The following ADNP variants were observed in gnomAD, a reference collection of about 807,000 sequenced individuals.
ADNP encodes activity-dependent neuroprotector homeobox protein.
In ADNP, 4 loss-of-function variants were observed where a neutral mutation model predicts 84.9. The observed-to-expected ratio is 0.05, with a 90% CI of 0.02 to 0.11. ADNP has a LOEUF of 0.11. ADNP is among the 10% of genes least tolerant of loss of function. The probability of loss-of-function intolerance (pLI) is 1.00; values close to 1 mark genes in which losing one functional copy is unlikely to be tolerated. For missense variants in ADNP, 1,132 were observed against 1,326.0 expected (o/e 0.85, Z 2.27); for synonymous variants, 554 against 468.1 (o/e 1.18, Z -2.37).
intron 2 of ADNP, among the ~76,000 whole-genome samples, chr20:50,906,205 T>A (rs1982458632): frequency 6.6e-6 from 1 of 152,158 alleles, no homozygotes; most frequent in African/African-American, 2.4e-5. Context: ...CGAGATTCCA[T>A]CTCAAAAACA....
At position 50,889,971 on chromosome 20, in the gene ADNP, C is replaced by CA. The variant is rs1980488113; in HGVS notation, c.*1433dup. 1.0e-5 allele frequency: 4 copies of CA among 391,290 alleles called. No homozygotes were observed. The highest frequency in any genetic ancestry group is 1.8e-5 in the Non-Finnish European group (4 of 224,176). The allele number at this position is 391,290 out of a possible 1,614,324, so 24.2% of individuals were successfully genotyped here. On this transcript the variant is annotated 3_prime_UTR_variant, in exon 6 of 6. Transcript: ENST00000621696. Reference sequence around the variant, plus strand: ...GTTTAACTTCATCTAGAAGAAAAAACAAACAAAAAACCCATCAGGCTATTA... The same window carrying CA: ...GTTTAACTTCATCTAGAAGAAAAAACAAAACAAAAAACCCATCAGGCTATTA...
Position 50,893,974 on chromosome 20 carries a change from A to G in ADNP, c.740T>C (p.Ile247Thr). ...AATCATGGCAGTGACCTGATAGCCTATACGTTCATGGTCTTCGATGACATG... is the reference window on the plus strand; with the variant it reads ...AATCATGGCAGTGACCTGATAGCCTGTACGTTCATGGTCTTCGATGACATG... ...VQHVIEDHER[I>T]GYQVTAMIGH... The change falls in exon 6 of 6, where the codon ATA becomes ACA. Residue 247 changes from isoleucine (I) to threonine (T), a missense_variant. Physicochemically the swap from Ile to Thr is moderately conservative, Grantham distance 89. Transcript: ENST00000621696. The surrounding 1 kb of genome is among the most constrained non-coding windows in gnomAD (Gnocchi z 4.4). 2 of 1,614,194 alleles carry G rather than the reference A, an allele frequency of 1.2e-6. No homozygotes were observed. The highest frequency in any genetic ancestry group is 1.7e-6 in the Non-Finnish European group (2 of 1,180,036).
intron 2 of ADNP, among the ~76,000 whole-genome samples, chr20:50,911,666 CAGA>C (rs1244198929): frequency 6.6e-6 from 1 of 151,978 alleles, no homozygotes; most frequent in African/African-American, 2.4e-5. Flanking sequence ...GGTAGTTCTG[CAGA>C]GCTACCACAT....
At position 50,888,925 on chromosome 20, in the gene ADNP, C is replaced by CTT. The variant is rs1201254907; in HGVS notation, c.*2478_*2479dup. On this transcript the variant is annotated 3_prime_UTR_variant, in exon 6 of 6. Transcript: ENST00000621696. ...AAACACACCAAACCTCTGTAGGATA[C>CTT]TTAGGTTTTCTCATGTTAGAAGTGT... 1.3e-5 allele frequency: 2 copies of CTT among 152,078 alleles called. No individual in the cohort carries two copies. Among genetic ancestry groups the CTT allele is most frequent in the African/African-American group, 4.8e-5 (2 of 41,414 alleles). The allele number at this position is 152,078 out of a possible 1,614,324, so 9.4% of individuals were successfully genotyped here. A position where few individuals can be genotyped will look rare whatever the true frequency, so the allele number is the denominator to read the frequency against.
intron 5 of ADNP, 116 bp from the exon 6 acceptor site, chr20:50,894,628 C>A: frequency 8.8e-7 from 1 of 1,139,704 alleles, no homozygotes; most frequent in Non-Finnish European, 1.2e-6. Context: ...CGCGTGGTGG[C>A]TCACGCCTGT....
chr20:50,903,788 A>AT, intron 4 of ADNP, 101 bp downstream of exon 4: 2 of 842,600 alleles, frequency 2.4e-6, no homozygotes, highest in Non-Finnish European at 3.7e-6. Context: ...TGTGGCTGAA[A>AT]TTCAGAATCA....
intron 2 of ADNP, among the ~76,000 whole-genome samples, chr20:50,920,574 G>T (rs1983892655): frequency 6.8e-6 from 1 of 147,722 alleles, no homozygotes; most frequent in South Asian, 2.1e-4. Flanking sequence ...AAAAAAGCCT[G>T]GAGGAAGTCA....
Position 50,893,691 on chromosome 20 carries a change from G to A in ADNP, c.1023C>T (p.Tyr341=). 6.2e-7 allele frequency: 1 copy of A among 1,614,070 alleles called. No individual in the cohort carries two copies. Among genetic ancestry groups the A allele is most frequent in the Non-Finnish European group, 8.5e-7 (1 of 1,180,028 alleles). ...CCAGTCTCATTGACTGACCAACACT[G>A]TAACCCTGGCCTACAGATTTGACTC... The part of the protein sequence containing the change: ...NYGVKSVGQG[Y]SVGQSMRLGL... Residue 341 remains tyrosine (Y), a synonymous_variant, in exon 6 of 6, where the codon TAC becomes TAT. Coordinates refer to ENST00000621696, the MANE Select transcript of ADNP (RefSeq NM_001282531.3). The surrounding 1 kb of genome is among the most constrained non-coding windows in gnomAD (Gnocchi z 4.4).
chr20:50,902,226 A>T, intron 4 of ADNP, 117 bp from the exon 5 acceptor site: 1 of 702,582 alleles, frequency 1.4e-6, no homozygotes, highest in Non-Finnish European at 2.4e-6. Context: ...ACCAACGTCA[A>T]CAAGGACTTA....
chr20:50,918,749 C>G (rs55697917), intron 2 of ADNP, among the ~76,000 whole-genome samples: 1 of 152,092 alleles, frequency 6.6e-6, no homozygotes, highest in Admixed American at 6.6e-5. Flanking sequence ...CTTCAGTTTC[C>G]GCTACAAAAG....
At chr20:50,908,518 T>TA in intron 2 of ADNP, among the ~76,000 whole-genome samples, 1 of 152,310 alleles carries the variant, frequency 6.6e-6, no homozygotes, top group African/African-American at 2.4e-5. Flanking sequence ...CTCATGCCTG[T>TA]AATCCCAGCA....
rs1451576241 is a variant in ADNP at position 50,897,037 on chromosome 20, G to A, written c.202-2525C>T. Reference sequence around the variant, plus strand: ...GCTCACTGCAACCTGCACTTCCCGGGTTCAAGCGATTCTCCTGCCTCAGCC... The same window carrying A: ...GCTCACTGCAACCTGCACTTCCCGGATTCAAGCGATTCTCCTGCCTCAGCC... On this transcript the variant is annotated intron_variant, in intron 5 of 5. Coordinates refer to ENST00000621696, the MANE Select transcript of ADNP (RefSeq NM_001282531.3). Among the ~76,000 whole-genome samples, 3 of 152,170 alleles carry A rather than the reference G, an allele frequency of 2.0e-5. No homozygotes were observed. In the South Asian group the frequency reaches 6.2e-4, roughly 32 times the overall value.
intron 5 of ADNP, among the ~76,000 whole-genome samples, chr20:50,895,525 G>T (rs1981289309): frequency 6.6e-6 from 1 of 152,186 alleles, no homozygotes; most frequent in African/African-American, 2.4e-5. Context: ...TAGACTTTAT[G>T]AACACTTAGG....
chr20:50,891,003 G>A lies in ADNP; in HGVS notation c.*402C>T. The stretch of plus-strand genomic sequence containing the variant: ...ATGAAAAAAAATCGCTTTTCCCAAA[G>A]TCTACTATACACATTAGACTGGTAG... On this transcript the variant is annotated 3_prime_UTR_variant, in exon 6 of 6. Transcript: ENST00000621696. 1 of 1,002,016 alleles carries A rather than the reference G, an allele frequency of 1.0e-6. No homozygotes were observed. Among genetic ancestry groups the A allele is most frequent in the Non-Finnish European group, 1.2e-6 (1 of 841,534 alleles). 62.1% of individuals were successfully genotyped at this position (1,002,016 alleles called of 1,614,324 possible).
intron 2 of ADNP, among the ~76,000 whole-genome samples, chr20:50,926,121 A>G (rs1984275176): frequency 6.6e-6 from 1 of 152,158 alleles, no homozygotes; most frequent in Non-Finnish European, 1.5e-5. Context: ...AACAACACAC[A>G]AAAACTAGGG....
intron 5 of ADNP, among the ~76,000 whole-genome samples, chr20:50,895,595 T>A (rs1981299647): frequency 6.6e-6 from 1 of 152,228 alleles, no homozygotes; most frequent in South Asian, 2.1e-4. Flanking sequence ...TTGCTCAGGC[T>A]GGAGTGCAGT....
intron 4 of ADNP, among the ~76,000 whole-genome samples, chr20:50,903,123 A>C (rs1982145641): frequency 6.6e-6 from 1 of 152,230 alleles, no homozygotes; most frequent in Non-Finnish European, 1.5e-5. Flanking sequence ...TAAATGGATA[A>C]ACAAGGTAGC....
intron 1 of ADNP, among the ~76,000 whole-genome samples, chr20:50,929,717 A>AT (rs57226720): frequency 0.051 from 7,496 of 147,512 alleles, 350 homozygotes; most frequent in African/African-American, 0.13. Context: ...TATCCAAGAG[A>AT]TTTTTTTTTT....
chr20:50,911,061 G>A (rs964460327), intron 2 of ADNP, among the ~76,000 whole-genome samples: 1 of 152,130 alleles, frequency 6.6e-6, no homozygotes, highest in African/African-American at 2.4e-5. Context: ...AAACATTAAC[G>A]TTTTACTAAT....
Sources: allele counts gnomAD v4.1 joint callset (sites outside exome capture counted in the v4.1 genomes callset), GRCh38; gene constraint gnomAD v4.1.1; non-coding constraint Gnocchi (gnomAD v3.1); transcripts MANE v1.5; gene names NCBI Gene and HGNC (gene_info 2026-07-23, HGNC 2026-07-21).